The following FOXP1 variants were observed in gnomAD, a reference collection of about 807,000 sequenced individuals.
The protein encoded by FOXP1 is forkhead box protein P1.
In FOXP1, 15 loss-of-function variants were observed where a neutral mutation model predicts 98.2. The observed-to-expected ratio is 0.15, with a 90% CI of 0.10 to 0.24. The LOEUF is 0.24. FOXP1 is among the 10% of genes least tolerant of loss of function. FOXP1 has a pLI of 1.00. For synonymous variants in FOXP1, 371 were observed against 314.5 expected (o/e 1.18, Z -1.90); for missense variants, 633 against 848.5 (o/e 0.75, Z 3.15).
At chr3:71,391,458 G>C (rs1176076942) in intron 3 of FOXP1, among the ~76,000 whole-genome samples, 1 of 152,180 alleles carries the variant, frequency 6.6e-6, no homozygotes, top group Non-Finnish European at 1.5e-5. Flanking sequence ...TTGATGTGAT[G>C]TCTTTCCTTT....
At position 71,568,386 on chromosome 3, in the gene FOXP1, G is replaced by A. The variant is rs569254694; in HGVS notation, c.-298+13163C>T. On this transcript the variant is annotated intron_variant, in intron 2 of 20. Coordinates refer to ENST00000649528, the MANE Select transcript of FOXP1 (RefSeq NM_001349338.3). ...CTGTTCTACAGAGGAAGAACCCTTG[G>A]TGCAGAGAAACAAAGCCCTTCAAGA... Among the ~76,000 whole-genome samples the A allele has an allele frequency of 2.6e-5, 4 of 152,100 alleles. No homozygotes were observed. The South Asian group carries it at 6.2e-4, about 24-fold the overall frequency.
At chr3:71,462,509 C>T (rs1227111394) in intron 3 of FOXP1, among the ~76,000 whole-genome samples, 1 of 152,210 alleles carries the variant, frequency 6.6e-6, no homozygotes, top group African/African-American at 2.4e-5. Flanking sequence ...AGATAAAGTT[C>T]TCCTTCTTGG....
At chr3:71,169,838 T>C (rs1239399501) in intron 6 of FOXP1, among the ~76,000 whole-genome samples, 1 of 151,648 alleles carries the variant, frequency 6.6e-6, no homozygotes, top group Non-Finnish European at 1.5e-5. Context: ...TAACAAGCTA[T>C]TTAAAGAGTA....
intron 7 of FOXP1, 109 bp from the exon 8 acceptor site, chr3:71,053,882 C>T (rs954021759): frequency 2.0e-5 from 22 of 1,114,802 alleles, no homozygotes; most frequent in Non-Finnish European, 2.8e-5. Flanking sequence ...GACCAATTTC[C>T]CATGCAACAT....
At chr3:71,253,767 C>A (rs17008411) in intron 5 of FOXP1, among the ~76,000 whole-genome samples, 16,459 of 151,912 alleles carry the variant, frequency 0.11, 994 homozygotes, top group South Asian at 0.25. Context: ...GGACATATGA[C>A]CACATAATAA....
chr3:71,203,998 G>T (rs1202317805), intron 5 of FOXP1, among the ~76,000 whole-genome samples: 3 of 134,108 alleles, frequency 2.2e-5, no homozygotes, highest in Non-Finnish European at 4.9e-5. Flanking sequence ...GGAAAAGAAT[G>T]TGAATTTCAC....
intron 4 of FOXP1, among the ~76,000 whole-genome samples, chr3:71,355,443 A>G (rs1464785962): frequency 2.0e-5 from 3 of 152,212 alleles, no homozygotes; most frequent in African/African-American, 7.2e-5. Flanking sequence ...GTAGGTGGTC[A>G]GCAAAGGCAT....
At chr3:71,242,436 G>T (rs2067361788) in intron 5 of FOXP1, among the ~76,000 whole-genome samples, 1 of 152,146 alleles carries the variant, frequency 6.6e-6, no homozygotes, top group Non-Finnish European at 1.5e-5. Flanking sequence ...AGGGAAGTTT[G>T]CTCTTCCATC....
intron 5 of FOXP1, among the ~76,000 whole-genome samples, chr3:71,288,952 T>C (rs1560248025): frequency 6.6e-6 from 1 of 152,200 alleles, no homozygotes; most frequent in Non-Finnish European, 1.5e-5. Context: ...ACAAATCCAA[T>C]GGTCAGTTCT....
intron 7 of FOXP1, chr3:71,064,812 A>G (rs1405514278): frequency 2.0e-6 from 2 of 984,528 alleles, no homozygotes; most frequent in Non-Finnish European, 2.4e-6. Context: ...AAGATCAATC[A>G]GAAGGACCAA....
intron 4 of FOXP1, among the ~76,000 whole-genome samples, chr3:71,303,905 C>T (rs2074058672): frequency 6.6e-6 from 1 of 152,096 alleles, no homozygotes; most frequent in African/African-American, 2.4e-5. Flanking sequence ...TGCTGTGCAG[C>T]CGGGGTCTCT....
intron 5 of FOXP1, among the ~76,000 whole-genome samples, chr3:71,287,973 C>T (rs547921696): frequency 1.3e-4 from 19 of 151,702 alleles, no homozygotes; most frequent in South Asian, 4.2e-4. Context: ...CTCTGCCTCC[C>T]GGGTTCAAGC....
intron 11 of FOXP1, among the ~76,000 whole-genome samples, chr3:71,034,554 T>A (rs937782335): frequency 6.6e-6 from 1 of 151,818 alleles, no homozygotes; most frequent in Non-Finnish European, 1.5e-5. Context: ...AAATAAAAAA[T>A]AAAAAAAATT....
At chr3:71,559,996 T>C (rs2046416711) in intron 2 of FOXP1, among the ~76,000 whole-genome samples, 2 of 152,060 alleles carry the variant, frequency 1.3e-5, no homozygotes, top group South Asian at 2.1e-4. Context: ...GCCATCTTCC[T>C]ACAAAGAGAA....
intron 4 of FOXP1, among the ~76,000 whole-genome samples, chr3:71,355,869 C>G (rs947819685): frequency 6.6e-5 from 10 of 152,118 alleles, no homozygotes; most frequent in African/African-American, 1.9e-4. Flanking sequence ...CAAGAGACAG[C>G]CAGGGTCACG....
In FOXP1 at chr3:71,583,726, T is replaced by G; in HGVS notation, c.-602A>C. ...CGGGCGAGGGCCGGGCCGCCGCGAGTACAGCGTGCAACCGCCACACAATAA... is the reference window on the plus strand; with the variant it reads ...CGGGCGAGGGCCGGGCCGCCGCGAGGACAGCGTGCAACCGCCACACAATAA... On this transcript the variant is annotated 5_prime_UTR_variant, in exon 1 of 21. Coordinates refer to ENST00000649528, the MANE Select transcript of FOXP1 (RefSeq NM_001349338.3). 1.0e-6 allele frequency: 1 copy of G among 984,598 alleles called. No homozygotes were observed. Among genetic ancestry groups the G allele is most frequent in the Non-Finnish European group, 1.2e-6 (1 of 829,774 alleles). The allele number at this position is 984,598 out of a possible 1,614,324, so 61.0% of individuals were successfully genotyped here.
At chr3:71,393,965 G>C (rs2081212286) in intron 3 of FOXP1, among the ~76,000 whole-genome samples, 1 of 152,164 alleles carries the variant, frequency 6.6e-6, no homozygotes, top group Non-Finnish European at 1.5e-5. Context: ...AAAGTGTTGG[G>C]GTTACAGGCA....
At chr3:71,059,914 T>G (rs1454662514) in intron 7 of FOXP1, among the ~76,000 whole-genome samples, 2 of 152,152 alleles carry the variant, frequency 1.3e-5, no homozygotes, top group African/African-American at 4.8e-5. Context: ...GTTTCCATCC[T>G]ACCTGAGACA....
chr3:71,469,108 TAAGAA>T (rs1306860060), intron 3 of FOXP1, among the ~76,000 whole-genome samples: 1 of 152,168 alleles, frequency 6.6e-6, no homozygotes, highest in African/African-American at 2.4e-5. Flanking sequence ...TTAGACTGAC[TAAGAA>T]AATAACAATA....
Sources: gnomAD v4.1 joint callset for allele counts (sites outside exome capture counted in the v4.1 genomes callset) on GRCh38, gnomAD v4.1.1 for gene constraint, MANE v1.5 for transcripts, NCBI Gene and HGNC (gene_info 2026-07-23, HGNC 2026-07-21) for gene names.